Variants in FAM13A observed in about 807,000 individuals in gnomAD.
FAM13A encodes family with sequence similarity 13 member A, also known as protein FAM13A.
Under a neutral mutation model 129.6 loss-of-function variants are expected in FAM13A, and 76 were observed. The ratio of observed to expected loss-of-function variants is 0.59; its 90% CI spans 0.49 to 0.71. The LOEUF (loss-of-function observed/expected upper bound fraction) is 0.71, where lower values mean the gene tolerates loss of function less well. Ranked by LOEUF, FAM13A falls within the 30% of genes least tolerant of loss-of-function variation. The pLI, the probability that FAM13A is intolerant of heterozygous loss-of-function variation, is 0.00. For synonymous variants in FAM13A, 443 were observed against 449.9 expected (o/e 0.98, Z 0.20); for missense variants, 1,108 against 1,249.3 (o/e 0.89, Z 1.70).
chr4:88,749,443 C>A (rs1054069011), intron 16 of FAM13A, among the ~76,000 whole-genome samples: 12 of 152,252 alleles, frequency 7.9e-5, no homozygotes, highest in South Asian at 4.1e-4. Flanking sequence ...TCAGTGCTAA[C>A]AAGATTTCAG....
chr4:89,020,116 C>T (rs960406570), intron 3 of FAM13A, among the ~76,000 whole-genome samples: 15 of 151,948 alleles, frequency 9.9e-5, no homozygotes, highest in East Asian at 1.9e-4. Flanking sequence ...CATTTAATAA[C>T]GGTATTTCAT....
At chr4:88,791,970 C>T (rs9991328) in intron 8 of FAM13A, among the ~76,000 whole-genome samples, 80,747 of 151,818 alleles carry the variant, frequency 0.53, 21,892 homozygotes, top group East Asian at 0.68. Context: ...TTTTCTTTAG[C>T]TAAAGCTGTA....
intron 19 of FAM13A, among the ~76,000 whole-genome samples, chr4:88,739,761 T>C (rs1739814887): frequency 7.9e-6 from 1 of 126,224 alleles, no homozygotes; most frequent in Admixed American, 9.4e-5. Context: ...CACTCCAGCC[T>C]GGGTGACAGA....
intron 6 of FAM13A, among the ~76,000 whole-genome samples, chr4:88,884,348 A>G (rs1228608911): frequency 6.6e-6 from 1 of 152,208 alleles, no homozygotes; most frequent in East Asian, 1.9e-4. Context: ...GGCTTAACAT[A>G]TGCATGTCAA....
chr4:88,979,375 T>A (rs1270702331), intron 4 of FAM13A, among the ~76,000 whole-genome samples: 2 of 152,184 alleles, frequency 1.3e-5, no homozygotes, highest in Admixed American at 1.3e-4. Flanking sequence ...AAATGTATGT[T>A]CAAGAATAGT....
intron 4 of FAM13A, among the ~76,000 whole-genome samples, chr4:88,984,589 G>C (rs1762016280): frequency 6.6e-6 from 1 of 152,038 alleles, no homozygotes; most frequent in Non-Finnish European, 1.5e-5. Context: ...AAATGAAATA[G>C]TGTTTCATAC....
intron 3 of FAM13A, among the ~76,000 whole-genome samples, chr4:89,013,840 TAATC>T (rs1053185440): frequency 1.3e-5 from 2 of 152,138 alleles, no homozygotes; most frequent in Admixed American, 1.3e-4. Context: ...GAGAAAAAAA[TAATC>T]AATTCCCAGC....
chr4:89,039,967 A>G (rs76255948), intron 1 of FAM13A, among the ~76,000 whole-genome samples: 2 of 151,872 alleles, frequency 1.3e-5, no homozygotes, highest in Non-Finnish European at 2.9e-5. Flanking sequence ...AAAAAAAAAA[A>G]GCAAAAATAA....
intron 7 of FAM13A, among the ~76,000 whole-genome samples, chr4:88,846,417 C>T (rs1736650483): frequency 6.6e-6 from 1 of 152,228 alleles, no homozygotes; most frequent in South Asian, 2.1e-4. Context: ...GCTTTTCCCC[C>T]TCTTCCTCTC....
intron 2 of FAM13A, among the ~76,000 whole-genome samples, chr4:89,028,050 CA>C (rs35334263): frequency 0.57 from 78,824 of 139,334 alleles, 21,810 homozygotes; most frequent in Middle Eastern, 0.69. Context: ...ACTAATAATA[CA>C]AAAAAAAAAA....
At chr4:88,855,804 T>C (rs1738388932) in intron 6 of FAM13A, 1 of 152,190 alleles carries the variant, frequency 6.6e-6, no homozygotes, top group African/African-American at 2.4e-5. Flanking sequence ...TGCCTCAATC[T>C]TAATTTTTAT....
At chr4:88,799,415 G>A (rs1012840554) in intron 8 of FAM13A, among the ~76,000 whole-genome samples, 1 of 152,010 alleles carries the variant, frequency 6.6e-6, no homozygotes, top group Non-Finnish European at 1.5e-5. Context: ...TAGCTGCTAG[G>A]GTAAATAGTA....
intron 4 of FAM13A, among the ~76,000 whole-genome samples, chr4:88,982,534 A>G (rs1761769449): frequency 6.6e-6 from 1 of 152,226 alleles, no homozygotes; most frequent in African/African-American, 2.4e-5. Context: ...GGCCAAATCT[A>G]CCTGCATTAG....
At chr4:89,039,929 G>A (rs1198595264) in intron 1 of FAM13A, among the ~76,000 whole-genome samples, 1 of 151,532 alleles carries the variant, frequency 6.6e-6, no homozygotes, top group African/African-American at 2.4e-5. Context: ...CTCCAGCTCG[G>A]GTGACAGAGC....
intron 3 of FAM13A, among the ~76,000 whole-genome samples, chr4:89,000,614 T>C (rs1764132063): frequency 6.6e-6 from 1 of 152,208 alleles, no homozygotes; most frequent in Non-Finnish European, 1.5e-5. Context: ...TGGTGATGGT[T>C]GCACTTTGTG....
intron 11 of FAM13A, among the ~76,000 whole-genome samples, chr4:88,780,366 C>T (rs1324914034): frequency 6.6e-6 from 1 of 152,136 alleles, no homozygotes; most frequent in African/African-American, 2.4e-5. Flanking sequence ...GATTTGCACA[C>T]TAAACAGTAG....
chr4:88,848,627 A>C (rs1737070665), intron 7 of FAM13A, among the ~76,000 whole-genome samples: 1 of 152,128 alleles, frequency 6.6e-6, no homozygotes, highest in Admixed American at 6.5e-5. Context: ...ATTGCTCCAA[A>C]GGCCTGCTTG....
intron 6 of FAM13A, among the ~76,000 whole-genome samples, chr4:88,880,446 A>G (rs1327912203): frequency 6.6e-6 from 1 of 152,112 alleles, no homozygotes; most frequent in Non-Finnish European, 1.5e-5. Context: ...CTCTTGGTCC[A>G]CAGGGAAGCC....
intron 6 of FAM13A, among the ~76,000 whole-genome samples, chr4:88,893,733 C>A (rs1463353684): frequency 6.7e-6 from 1 of 148,806 alleles, no homozygotes; most frequent in African/African-American, 2.5e-5. Context: ...GAGGGTGAGG[C>A]AGGAGAATGG....
Sources: gnomAD v4.1 joint callset for allele counts (sites outside exome capture counted in the v4.1 genomes callset) on GRCh38, gnomAD v4.1.1 for gene constraint, MANE v1.5 for transcripts, NCBI Gene and HGNC (gene_info 2026-07-23, HGNC 2026-07-21) for gene names.